Variants in GRM7 observed in about 807,000 individuals in gnomAD.
The protein encoded by GRM7 is glutamate metabotropic receptor 7, also known as metabotropic glutamate receptor 7.
A neutral mutation model predicts 84.5 loss-of-function variants in GRM7; 35 were observed. The observed-to-expected ratio is 0.41, with a 90% CI of 0.32 to 0.55. GRM7 has a LOEUF of 0.55. Ranked by LOEUF, GRM7 falls within the 20% of genes least tolerant of loss-of-function variation. The probability of loss-of-function intolerance (pLI) is 0.19; values close to 1 mark genes in which losing one functional copy is unlikely to be tolerated. For missense variants in GRM7, 1,003 were observed against 1,194.6 expected (o/e 0.84, Z 2.36); for synonymous variants, 487 against 455.1 (o/e 1.07, Z -0.89).
At chr3:7,731,053 C>T (rs1478060525) in intron 9 of GRM7, among the ~76,000 whole-genome samples, 1 of 150,954 alleles carries the variant, frequency 6.6e-6, no homozygotes, top group Non-Finnish European at 1.5e-5. Context: ...TGATGCTTTA[C>T]ATCTTAAAGT....
intron 1 of GRM7, among the ~76,000 whole-genome samples, chr3:7,012,737 GTTTA>G (rs1217975102): frequency 1.3e-5 from 2 of 152,102 alleles, no homozygotes; most frequent in African/African-American, 4.8e-5. Context: ...GTTTCCCCCA[GTTTA>G]TTTGTGTGTT....
chr3:7,062,585 T>C (rs4686114), intron 1 of GRM7, among the ~76,000 whole-genome samples: 40,191 of 151,700 alleles, frequency 0.26, 6,085 homozygotes, highest in African/African-American at 0.42. Context: ...TGAAAAACTG[T>C]GACTCACAAA....
At chr3:7,505,410 T>G (rs943529633) in intron 7 of GRM7, among the ~76,000 whole-genome samples, 2 of 152,256 alleles carry the variant, frequency 1.3e-5, no homozygotes, top group African/African-American at 4.8e-5. Flanking sequence ...GAGGGAGCTC[T>G]TAGCAGCAGC....
At chr3:7,042,470 C>A (rs1396464265) in intron 1 of GRM7, among the ~76,000 whole-genome samples, 1 of 152,120 alleles carries the variant, frequency 6.6e-6, no homozygotes, top group Admixed American at 6.6e-5. Context: ...TAAGAAACTG[C>A]CTGACCTTTG....
intron 7 of GRM7, among the ~76,000 whole-genome samples, chr3:7,568,895 G>C (rs898002863): frequency 1.3e-5 from 2 of 152,086 alleles, no homozygotes; most frequent in African/African-American, 4.8e-5. Context: ...GGGCTCCTGT[G>C]CGGCCCCAGC....
intron 1 of GRM7, among the ~76,000 whole-genome samples, chr3:6,870,000 T>C (rs1264539902): frequency 6.6e-6 from 1 of 152,130 alleles, no homozygotes; most frequent in African/African-American, 2.4e-5. Context: ...GCTCTCTCTC[T>C]CCTTCTCCTT....
At chr3:7,367,227 CCT>C (rs1491110130) in intron 4 of GRM7, among the ~76,000 whole-genome samples, 1 of 88,010 alleles carries the variant, frequency 1.1e-5, no homozygotes, top group East Asian at 3.1e-4. Context: ...AAATGTAGTG[CCT>C]TTTTTCCCCT....
chr3:7,491,605 C>G (rs991254271), intron 7 of GRM7, among the ~76,000 whole-genome samples: 10 of 152,194 alleles, frequency 6.6e-5, no homozygotes, highest in Non-Finnish European at 1.5e-4. Flanking sequence ...CTCTTAAACT[C>G]TACATGTCCT....
intron 7 of GRM7, among the ~76,000 whole-genome samples, chr3:7,574,222 C>T (rs1229572982): frequency 6.8e-6 from 1 of 148,054 alleles, no homozygotes; most frequent in Admixed American, 6.8e-5. Context: ...TGCAGAGGCA[C>T]AATAATGGCT....
intron 7 of GRM7, among the ~76,000 whole-genome samples, chr3:7,467,873 G>A (rs1274220977): frequency 6.6e-6 from 1 of 152,048 alleles, no homozygotes; most frequent in Non-Finnish European, 1.5e-5. Flanking sequence ...AAAAAAATCA[G>A]CCATCCATTA....
intron 1 of GRM7, among the ~76,000 whole-genome samples, chr3:6,880,304 G>T (rs541426956): frequency 6.6e-6 from 1 of 152,200 alleles, no homozygotes; most frequent in South Asian, 2.1e-4. Context: ...CCTACAAAGG[G>T]TGCAATTACA....
At chr3:6,874,859 C>T (rs1348690641) in intron 1 of GRM7, among the ~76,000 whole-genome samples, 2 of 152,200 alleles carry the variant, frequency 1.3e-5, no homozygotes, top group African/African-American at 4.8e-5. Context: ...TCAGCCTTTC[C>T]TGAATCAACT....
chr3:7,236,174 C>G (rs187836962), intron 2 of GRM7, among the ~76,000 whole-genome samples: 1 of 152,158 alleles, frequency 6.6e-6, no homozygotes, highest in Admixed American at 6.5e-5. Flanking sequence ...GTGATCATCT[C>G]CCAAAAACCC....
intron 8 of GRM7, among the ~76,000 whole-genome samples, chr3:7,660,882 TTTCAACAAATGATTC>T (rs1213024768): frequency 6.6e-6 from 1 of 152,174 alleles, no homozygotes; most frequent in African/African-American, 2.4e-5. Context: ...AGAATAGCTT[TTTCAACAAATGATTC>T]TAGAGTAATA....
At chr3:7,631,727 G>C (rs7642955) in intron 8 of GRM7, among the ~76,000 whole-genome samples, 19,142 of 152,128 alleles carry the variant, frequency 0.13, 1,552 homozygotes, top group Non-Finnish European at 0.18. Context: ...GATGCTGGTA[G>C]CAACCCCCGT....
At chr3:7,602,080 CAAAAAA>C (rs562646639) in intron 8 of GRM7, among the ~76,000 whole-genome samples, 8 of 93,796 alleles carry the variant, frequency 8.5e-5, no homozygotes, top group African/African-American at 8.3e-5. Context: ...ATTACCAGGA[CAAAAAA>C]AAAAAAAAAA....
intron 8 of GRM7, among the ~76,000 whole-genome samples, chr3:7,609,978 T>TCTTGGTTGACGTGG (rs1696771635): frequency 6.6e-6 from 1 of 152,006 alleles, no homozygotes; most frequent in Non-Finnish European, 1.5e-5. Flanking sequence ...TTGCTGCTGG[T>TCTTGGTTGACGTGG]TCTTGGTTGA....
chr3:7,528,260 G>T (rs1167196844), intron 7 of GRM7, among the ~76,000 whole-genome samples: 1 of 151,988 alleles, frequency 6.6e-6, no homozygotes, highest in Non-Finnish European at 1.5e-5. Flanking sequence ...GGAAGGTTGT[G>T]TATTTCCAGG....
intron 8 of GRM7, among the ~76,000 whole-genome samples, chr3:7,597,545 A>C (rs1696108163): frequency 6.6e-6 from 1 of 152,116 alleles, no homozygotes; most frequent in African/African-American, 2.4e-5. Context: ...ATCTTCCATT[A>C]CCAGACTCAA....
Sources: allele counts gnomAD v4.1 joint callset (sites outside exome capture counted in the v4.1 genomes callset), GRCh38; gene constraint gnomAD v4.1.1; transcripts MANE v1.5; gene names NCBI Gene and HGNC (gene_info 2026-07-23, HGNC 2026-07-21).